The following PDE1A variants were observed in gnomAD, a reference collection of about 807,000 sequenced individuals.
The protein encoded by PDE1A is dual specificity calcium/calmodulin-dependent 3',5'-cyclic nucleotide phosphodiesterase 1A.
A neutral mutation model predicts 61.7 loss-of-function variants in PDE1A; 35 were observed. The observed-to-expected ratio is 0.57, with a 90% CI of 0.43 to 0.75. PDE1A has a LOEUF of 0.75. PDE1A is among the 30% of genes least tolerant of loss of function. The probability of loss-of-function intolerance (pLI) is 0.00; values close to 1 mark genes in which losing one functional copy is unlikely to be tolerated. For missense variants in PDE1A, 597 were observed against 630.6 expected (o/e 0.95, Z 0.57); for synonymous variants, 232 against 213.2 (o/e 1.09, Z -0.77).
At chr2:182,204,545 A>G (rs778851794) in intron 8 of PDE1A, among the ~76,000 whole-genome samples, 13 of 152,188 alleles carry the variant, frequency 8.5e-5, no homozygotes, top group Non-Finnish European at 1.5e-4. Context: ...CTTTTTGATG[A>G]CCCACTTCCA....
At chr2:182,413,746 C>T (rs879893258) in intron 1 of PDE1A, among the ~76,000 whole-genome samples, 7 of 152,132 alleles carry the variant, frequency 4.6e-5, no homozygotes, top group Non-Finnish European at 1.0e-4. Context: ...TAAATATTTA[C>T]ACTTAACATA....
At chr2:182,364,668 T>C (rs1244877987) in intron 1 of PDE1A, among the ~76,000 whole-genome samples, 1 of 151,718 alleles carries the variant, frequency 6.6e-6, no homozygotes, top group South Asian at 2.1e-4. Flanking sequence ...AATAAAGATA[T>C]AGTTTAATTT....
chr2:182,636,557 G>C, the PDE1A span, among the ~76,000 whole-genome samples: 2 of 152,124 alleles, frequency 1.3e-5, no homozygotes, highest in Non-Finnish European at 2.9e-5. Flanking sequence ...AACCCATTTA[G>C]CACGATTTTT....
the PDE1A span, among the ~76,000 whole-genome samples, chr2:182,584,575 C>T: frequency 1.1e-4 from 16 of 152,196 alleles, no homozygotes; most frequent in African/African-American, 3.9e-4. Context: ...CGGTGGCTGT[C>T]GTCACCTGCT....
chr2:182,241,752 T>C (rs1308519829), intron 2 of PDE1A: 1 of 1,209,522 alleles, frequency 8.3e-7, no homozygotes, highest in African/African-American at 1.5e-5. Flanking sequence ...TGTATACATA[T>C]AACGATAAAA....
At chr2:182,169,888 G>GGA (rs1691980983) in intron 13 of PDE1A, among the ~76,000 whole-genome samples, 1 of 123,080 alleles carries the variant, frequency 8.1e-6, no homozygotes, top group South Asian at 2.8e-4. Context: ...ACAGTGGACA[G>GGA]GAGACACACA....
intron 1 of PDE1A, among the ~76,000 whole-genome samples, chr2:182,341,820 C>T (rs1362306572): frequency 6.6e-6 from 1 of 150,740 alleles, no homozygotes. Context: ...TGTAGTGGTG[C>T]AATCATGGCT....
the PDE1A span, among the ~76,000 whole-genome samples, chr2:182,591,285 C>A: frequency 6.6e-6 from 1 of 152,190 alleles, no homozygotes; most frequent in Non-Finnish European, 1.5e-5. Flanking sequence ...AGATCAAATT[C>A]TGTGACACAC....
intron 2 of PDE1A, among the ~76,000 whole-genome samples, chr2:182,449,308 A>G (rs960812017): frequency 6.6e-6 from 1 of 151,880 alleles, no homozygotes; most frequent in Admixed American, 6.6e-5. Context: ...AGAAAGAAAG[A>G]AAGAGACAGA....
At chr2:182,430,641 T>G (rs1194326869), upstream of PDE1A, among the ~76,000 whole-genome samples, 2 of 110,158 alleles carry the variant, frequency 1.8e-5, no homozygotes, top group African/African-American at 3.1e-5. Context: ...CATGCTGCTA[T>G]AAAGACACAT....
At chr2:182,441,898 C>T (rs1350134203) in intron 2 of PDE1A, among the ~76,000 whole-genome samples, 2 of 151,936 alleles carry the variant, frequency 1.3e-5, no homozygotes, top group Non-Finnish European at 2.9e-5. Flanking sequence ...ATCCATGAGT[C>T]ATTTCTGATA....
rs185206233 is a variant in PDE1A at position 182,219,596 on chromosome 2, G to A, written c.776+4268C>T. On this transcript the variant is annotated intron_variant, in intron 7 of 13. Transcript: ENST00000351439. ...AGTTTGCTACCACTTACCCAACACC[G>A]AGGCTTCTCTCACTCTCCTATCTCC... Among the ~76,000 whole-genome samples the A allele has an allele frequency of 5.4e-4, 82 of 152,152 alleles. No homozygotes were observed. In the East Asian group the frequency reaches 6.8e-3, roughly 13 times the overall value.
intron 1 of PDE1A, among the ~76,000 whole-genome samples, chr2:182,283,604 A>T (rs1489336506): frequency 6.6e-6 from 1 of 152,102 alleles, no homozygotes; most frequent in African/African-American, 2.4e-5. Context: ...TCAGAAAAAA[A>T]TGAGTTAAAT....
intron 2 of PDE1A, among the ~76,000 whole-genome samples, chr2:182,251,638 C>T (rs747668937): frequency 2.0e-5 from 3 of 152,182 alleles, no homozygotes; most frequent in Non-Finnish European, 4.4e-5. Context: ...CCTTCATTCA[C>T]AGCTTGCCAA....
chr2:182,662,606 T>C, the PDE1A span, among the ~76,000 whole-genome samples: 1 of 152,126 alleles, frequency 6.6e-6, no homozygotes, highest in Non-Finnish European at 1.5e-5. Flanking sequence ...CCCTATTCGA[T>C]AATTGGTGCT....
At chr2:182,313,298 C>T (rs1300322962) in intron 1 of PDE1A, among the ~76,000 whole-genome samples, 2 of 152,086 alleles carry the variant, frequency 1.3e-5, no homozygotes, top group Non-Finnish European at 2.9e-5. Context: ...CCCGTAATCC[C>T]AGCTACTCAG....
the PDE1A span, among the ~76,000 whole-genome samples, chr2:182,564,727 C>T: frequency 6.6e-6 from 1 of 152,128 alleles, no homozygotes; most frequent in African/African-American, 2.4e-5. Flanking sequence ...CATAGTCCCA[C>T]ATTTCTTGGA....
At chr2:182,223,603 A>T (rs1209351456) in intron 7 of PDE1A, among the ~76,000 whole-genome samples, 1 of 151,974 alleles carries the variant, frequency 6.6e-6, no homozygotes, top group Non-Finnish European at 1.5e-5. Context: ...TCACAGTGTA[A>T]GTTCTGGGCA....
the PDE1A span, among the ~76,000 whole-genome samples, chr2:182,576,600 T>C: frequency 3.3e-5 from 5 of 152,320 alleles, no homozygotes; most frequent in Admixed American, 1.3e-4. Context: ...AATTGCTGGA[T>C]TATATGGTAC....
Sources: allele counts gnomAD v4.1 joint callset (sites outside exome capture counted in the v4.1 genomes callset), GRCh38; gene constraint gnomAD v4.1.1; transcripts MANE v1.5; gene names NCBI Gene and HGNC (gene_info 2026-07-23, HGNC 2026-07-21).